CPXM2: variants seen among roughly 807,000 people sequenced by gnomAD.
CPXM2 encodes the protein carboxypeptidase X, M14 family member 2.
Under a neutral mutation model 86.1 loss-of-function variants are expected in CPXM2, and 66 were observed. The ratio of observed to expected loss-of-function variants is 0.77; its 90% confidence interval spans 0.63 to 0.94. The LOEUF (loss-of-function observed/expected upper bound fraction) is 0.94, where lower values mean the gene tolerates loss of function less well. Among genes scored for constraint, CPXM2 ranks in the 40% least tolerant of loss-of-function variants. The probability of loss-of-function intolerance (pLI) is 0.00; values close to 1 mark genes in which losing one functional copy is unlikely to be tolerated. For missense variants in CPXM2, 948 were observed against 1,026.3 expected (o/e 0.92, Z 1.04); for synonymous variants, 388 against 400.2 (o/e 0.97, Z 0.36).
At chr10:123,888,953 T>A (rs1351469249) in intron 1 of CPXM2, among the ~76,000 whole-genome samples, 1 of 152,196 alleles carries the variant, frequency 6.6e-6, no homozygotes, top group Non-Finnish European at 1.5e-5. Context: ...GGGCAATGTG[T>A]CCTGCAGGAG....
chr10:123,805,512 A>G (rs1307804524), intron 4 of CPXM2, among the ~76,000 whole-genome samples: 1 of 152,114 alleles, frequency 6.6e-6, no homozygotes, highest in Non-Finnish European at 1.5e-5. Context: ...TTTTCCAGTT[A>G]CTTTTTTATT....
chr10:123,820,087 A>G (rs1847894719), intron 4 of CPXM2, among the ~76,000 whole-genome samples: 1 of 152,196 alleles, frequency 6.6e-6, no homozygotes, highest in African/African-American at 2.4e-5. Context: ...CAAGTTCTTC[A>G]GTTTTGGGAC....
At chr10:123,792,505 C>A (rs1465157528) in intron 6 of CPXM2, among the ~76,000 whole-genome samples, 1 of 152,178 alleles carries the variant, frequency 6.6e-6, no homozygotes, top group East Asian at 1.9e-4. Context: ...GCCCACCACC[C>A]TAACCCAGAA....
At chr10:123,788,644 T>C (rs926237665) in intron 6 of CPXM2, among the ~76,000 whole-genome samples, 1 of 152,178 alleles carries the variant, frequency 6.6e-6, no homozygotes, top group Admixed American at 6.5e-5. Context: ...TAAGCTGGCT[T>C]CAGAATAAAC....
At chr10:123,933,675 G>A (rs1434815950) in intron 2 of CPXM2, among the ~76,000 whole-genome samples, 15 of 151,912 alleles carry the variant, frequency 9.9e-5, no homozygotes, top group Non-Finnish European at 2.1e-4. Context: ...CTGAGATCAC[G>A]CCACTGCACT....
At chr10:123,914,837 T>C (rs547870895) in intron 2 of CPXM2, among the ~76,000 whole-genome samples, 1 of 152,204 alleles carries the variant, frequency 6.6e-6, no homozygotes, top group Non-Finnish European at 1.5e-5. Flanking sequence ...TCTTTCTCCC[T>C]GACAACCTGG....
chr10:123,937,408 A>T (rs1393552681), intron 2 of CPXM2, among the ~76,000 whole-genome samples: 1 of 151,636 alleles, frequency 6.6e-6, no homozygotes, highest in East Asian at 1.9e-4. Flanking sequence ...CCCACCCCAA[A>T]TGTCCATCAG....
chr10:123,829,052 G>A (rs1848105949), intron 4 of CPXM2, among the ~76,000 whole-genome samples: 1 of 152,098 alleles, frequency 6.6e-6, no homozygotes, highest in South Asian at 2.1e-4. Context: ...ACTAGAACAT[G>A]GACAAAAGAC....
upstream of CPXM2, among the ~76,000 whole-genome samples, chr10:123,892,512 G>T (rs757162650): frequency 6.6e-6 from 1 of 152,210 alleles, no homozygotes; most frequent in Non-Finnish European, 1.5e-5. Context: ...TTTATGCGGA[G>T]CCCAGGCCCA....
intron 13 of CPXM2, among the ~76,000 whole-genome samples, chr10:123,749,531 G>A (rs889661204): frequency 3.3e-5 from 5 of 151,968 alleles, no homozygotes; most frequent in South Asian, 2.1e-4. Flanking sequence ...TGCTGTTATC[G>A]CAGGGCCACA....
chr10:123,850,752 T>C (rs536435499), intron 3 of CPXM2, among the ~76,000 whole-genome samples: 1 of 152,356 alleles, frequency 6.6e-6, no homozygotes, highest in Admixed American at 6.5e-5. Flanking sequence ...GAAAATCGTA[T>C]GCTGACGCTG....
At chr10:123,889,963 C>T (rs1945241031) in intron 1 of CPXM2, among the ~76,000 whole-genome samples, 1 of 152,066 alleles carries the variant, frequency 6.6e-6, no homozygotes, top group South Asian at 2.1e-4. Context: ...ATTCAAACTA[C>T]CAAACCAAAA....
intron 10 of CPXM2, among the ~76,000 whole-genome samples, chr10:123,766,581 T>G (rs1171453612): frequency 6.6e-6 from 1 of 152,176 alleles, no homozygotes; most frequent in Non-Finnish European, 1.5e-5. Flanking sequence ...AAACACCACA[T>G]GTAGTAAACC....
chr10:123,918,459 C>G (rs550740616), intron 2 of CPXM2, among the ~76,000 whole-genome samples: 1 of 151,896 alleles, frequency 6.6e-6, no homozygotes, highest in East Asian at 1.9e-4. Context: ...AATAAAAACT[C>G]GAAGAAATAC....
At chr10:123,914,945 A>G (rs1401982880) in intron 2 of CPXM2, among the ~76,000 whole-genome samples, 2 of 152,206 alleles carry the variant, frequency 1.3e-5, no homozygotes, top group African/African-American at 4.8e-5. Context: ...TCATAACAAC[A>G]AATGGATCTG....
At chr10:123,796,516 G>C (rs1459127719) in intron 6 of CPXM2, among the ~76,000 whole-genome samples, 1 of 152,214 alleles carries the variant, frequency 6.6e-6, no homozygotes, top group African/African-American at 2.4e-5. Flanking sequence ...AATATGACCA[G>C]TGTGAGGGTA....
intron 6 of CPXM2, among the ~76,000 whole-genome samples, chr10:123,781,282 T>C (rs748958241): frequency 1.3e-5 from 2 of 152,170 alleles, no homozygotes; most frequent in African/African-American, 2.4e-5. Flanking sequence ...TTGATTCCCT[T>C]CCATATAAAT....
chr10:123,909,602 T>C (rs1457910301), intron 2 of CPXM2, among the ~76,000 whole-genome samples: 1 of 152,220 alleles, frequency 6.6e-6, no homozygotes, highest in Non-Finnish European at 1.5e-5. Flanking sequence ...TCTCTTTCCA[T>C]TGTACGGTAC....
At chr10:123,792,980 A>G (rs1253693797) in intron 6 of CPXM2, among the ~76,000 whole-genome samples, 1 of 152,166 alleles carries the variant, frequency 6.6e-6, no homozygotes, top group Non-Finnish European at 1.5e-5. Context: ...GAAGGAGGAG[A>G]TTTGGGATTT....
Sources: gnomAD v4.1 joint callset for allele counts (sites outside exome capture counted in the v4.1 genomes callset) on GRCh38, gnomAD v4.1.1 for gene constraint, MANE v1.5 for transcripts, NCBI Gene and HGNC (gene_info 2026-07-23, HGNC 2026-07-21) for gene names.